The following GPM6A variants were observed in gnomAD, a reference collection of about 807,000 sequenced individuals.
The protein encoded by GPM6A is neuronal membrane glycoprotein M6-a.
A neutral mutation model predicts 32.1 loss-of-function variants in GPM6A; 7 were observed. The ratio of observed to expected loss-of-function variants is 0.22; its 90% CI spans 0.12 to 0.41. The LOEUF is 0.41. Ranked by LOEUF, GPM6A falls within the 10% of genes least tolerant of loss-of-function variation. The probability of loss-of-function intolerance (pLI) is 1.00; values close to 1 mark genes in which losing one functional copy is unlikely to be tolerated. For synonymous variants in GPM6A, 130 were observed against 123.4 expected (o/e 1.05, Z -0.35); for missense variants, 235 against 347.2 (o/e 0.68, Z 2.57).
At chr4:175,754,833 G>A (rs1412966530) in intron 1 of GPM6A, among the ~76,000 whole-genome samples, 2 of 152,000 alleles carry the variant, frequency 1.3e-5, no homozygotes, top group Non-Finnish European at 2.9e-5. Flanking sequence ...TATTCCAGAT[G>A]TCAGTGCACA....
At chr4:175,864,083 T>C (rs1175838734) in intron 1 of GPM6A, among the ~76,000 whole-genome samples, 1 of 152,196 alleles carries the variant, frequency 6.6e-6, no homozygotes, top group Non-Finnish European at 1.5e-5. Flanking sequence ...GTTGACCTTC[T>C]AGTGGGTTTA....
At chr4:175,747,269 CAA>C (rs5864346) in intron 1 of GPM6A, among the ~76,000 whole-genome samples, 62,198 of 110,812 alleles carry the variant, frequency 0.56, 17,427 homozygotes, top group Non-Finnish European at 0.66. Flanking sequence ...ACTCCATCTC[CAA>C]AAAAAAAAAA....
chr4:175,656,141 GT>G (rs1742072036), intron 3 of GPM6A, among the ~76,000 whole-genome samples: 1 of 151,938 alleles, frequency 6.6e-6, no homozygotes, highest in South Asian at 2.1e-4. Flanking sequence ...CTCACATATA[GT>G]AAAATGCTGA....
intron 1 of GPM6A, among the ~76,000 whole-genome samples, chr4:175,860,695 C>G (rs1392490890): frequency 1.3e-5 from 2 of 152,150 alleles, no homozygotes; most frequent in African/African-American, 2.4e-5. Flanking sequence ...AAGCAGAACC[C>G]CCAGCTTAAA....
At chr4:175,863,769 A>T (rs140620131) in intron 1 of GPM6A, among the ~76,000 whole-genome samples, 2 of 152,278 alleles carry the variant, frequency 1.3e-5, no homozygotes, top group African/African-American at 4.8e-5. Flanking sequence ...TGGGATGCCG[A>T]GGTGGGAGGA....
rs145749215 is a variant in GPM6A, at chr4:175,789,910, C to A, written c.37+22281G>T. On this transcript the variant is annotated intron_variant, in intron 1 of 6. Coordinates refer to ENST00000393658, the MANE Select transcript of GPM6A (RefSeq NM_201591.3). ...CAAAATCATTTACAAGGAGAAAGAG[C>A]TAAATAGAAATTGCCATTGATAGCA... Among the ~76,000 whole-genome samples the A allele has an allele frequency of 2.1e-3, 317 of 152,218 alleles. 2 individuals are homozygous for A. Among genetic ancestry groups the A allele is most frequent in the African/African-American group, 7.1e-3 (297 of 41,546 alleles).
intron 6 of GPM6A, among the ~76,000 whole-genome samples, chr4:175,637,008 A>G (rs1473131287): frequency 1.1e-5 from 1 of 90,636 alleles, no homozygotes; most frequent in African/African-American, 4.2e-5. Context: ...AAATATATTT[A>G]TATAAAAATA....
At chr4:175,977,141 G>A (rs1490511446) in intron 1 of GPM6A, among the ~76,000 whole-genome samples, 1 of 152,136 alleles carries the variant, frequency 6.6e-6, no homozygotes, top group East Asian at 1.9e-4. Context: ...GTCTCCAAAA[G>A]ACAACATATC....
At chr4:175,644,456 G>A (rs183106424) in intron 4 of GPM6A, among the ~76,000 whole-genome samples, 11 of 151,346 alleles carry the variant, frequency 7.3e-5, no homozygotes, top group Non-Finnish European at 1.5e-4. Context: ...ACACACACAC[G>A]CACACATAAA....
intron 1 of GPM6A, among the ~76,000 whole-genome samples, chr4:175,726,336 G>A (rs547159240): frequency 6.6e-6 from 1 of 152,200 alleles, no homozygotes; most frequent in East Asian, 1.9e-4. Flanking sequence ...GAGTTCATTT[G>A]AATCATTTAT....
intron 1 of GPM6A, among the ~76,000 whole-genome samples, chr4:175,840,088 G>A (rs1033987326): frequency 4.6e-5 from 7 of 152,080 alleles, no homozygotes; most frequent in African/African-American, 1.4e-4. Context: ...AAATAATTTC[G>A]TTAGCTTTAT....
At chr4:175,981,146 TTTATTTTTATTTGGTGGAAAAAAGCA>T (rs1740804762) in intron 1 of GPM6A, among the ~76,000 whole-genome samples, 1 of 152,158 alleles carries the variant, frequency 6.6e-6, no homozygotes. Context: ...TAGTTTTTAT[TTTATTTTTATTTGGTGGAAAAAAGCA>T]TAAAAATAAT....
chr4:175,850,483 TG>T (rs201568051), intron 1 of GPM6A, among the ~76,000 whole-genome samples: 3,052 of 151,606 alleles, frequency 0.02, 79 homozygotes, highest in South Asian at 0.095. Context: ...CAAACAGGGG[TG>T]GGGTGAGGCA....
intron 1 of GPM6A, chr4:175,962,219 G>T: frequency 7.7e-7 from 1 of 1,302,698 alleles, no homozygotes; most frequent in Non-Finnish European, 1.1e-6. Context: ...AGTTCATGAT[G>T]GTGGAACAAG....
intron 1 of GPM6A, among the ~76,000 whole-genome samples, chr4:175,986,808 C>T (rs1229500013): frequency 6.6e-6 from 1 of 152,118 alleles, no homozygotes; most frequent in Non-Finnish European, 1.5e-5. Flanking sequence ...AAGAGCCCCA[C>T]CCCCTAATTG....
intron 1 of GPM6A, among the ~76,000 whole-genome samples, chr4:175,802,932 A>G (rs914576156): frequency 6.6e-6 from 1 of 152,154 alleles, no homozygotes; most frequent in African/African-American, 2.4e-5. Context: ...AATATATTTC[A>G]GGTCAAAGAA....
At chr4:175,692,822 C>G (rs1412901353) in intron 2 of GPM6A, among the ~76,000 whole-genome samples, 1 of 151,910 alleles carries the variant, frequency 6.6e-6, no homozygotes, top group African/African-American at 2.4e-5. Context: ...TTTAATGCAC[C>G]TGAAAAATTT....
chr4:175,884,708 AT>A (rs1337630713), intron 1 of GPM6A, among the ~76,000 whole-genome samples: 3 of 151,290 alleles, frequency 2.0e-5, no homozygotes, highest in African/African-American at 7.3e-5. Context: ...TTTTTTTTGT[AT>A]TTTTAGTAGA....
intron 1 of GPM6A, among the ~76,000 whole-genome samples, chr4:175,905,698 G>A (rs1179918563): frequency 6.6e-6 from 1 of 152,002 alleles, no homozygotes; most frequent in Non-Finnish European, 1.5e-5. Context: ...TTTTGGGGTG[G>A]CATACTCTGA....
Sources: gnomAD v4.1 joint callset for allele counts (sites outside exome capture counted in the v4.1 genomes callset) on GRCh38, gnomAD v4.1.1 for gene constraint, MANE v1.5 for transcripts, NCBI Gene and HGNC (gene_info 2026-07-23, HGNC 2026-07-21) for gene names.